The following PTK2 variants were observed in gnomAD, a reference collection of about 807,000 sequenced individuals.
PTK2 encodes the protein protein tyrosine kinase 2, also known as focal adhesion kinase 1.
Under a neutral mutation model 150.1 loss-of-function variants are expected in PTK2, and 45 were observed. The observed-to-expected ratio is 0.30, with a 90% CI of 0.24 to 0.38. The LOEUF is 0.38. PTK2 is among the 10% of genes least tolerant of loss of function. PTK2 has a pLI of 1.00. For missense variants in PTK2, 919 were observed against 1,307.3 expected, an observed-to-expected ratio of 0.70 and a Z score of 4.58; for synonymous variants, 432 against 449.2, an observed-to-expected ratio of 0.96 and a Z score of 0.48.
At chr8:140,675,525 A>G (rs1364779820) in intron 27 of PTK2, 26 bp from the exon 31 acceptor site, 1 of 1,550,128 alleles carries the variant, frequency 6.5e-7, no homozygotes, top group Non-Finnish European at 8.9e-7. Context: ...AGTTCAGTCA[A>G]TGCACTGGTA....
intron 16 of PTK2, among the ~76,000 whole-genome samples, chr8:140,759,579 T>A (rs2100068120): frequency 6.8e-6 from 1 of 147,604 alleles, no homozygotes; most frequent in Non-Finnish European, 1.5e-5. Flanking sequence ...AAAAGTTGGC[T>A]GGCTCAGTGG....
chr8:140,886,438 TC>T (rs1444839312), intron 3 of PTK2, among the ~76,000 whole-genome samples: 1 of 152,048 alleles, frequency 6.6e-6, no homozygotes, highest in Non-Finnish European at 1.5e-5. Context: ...ATGTAACCAA[TC>T]ACAGGATGGC....
intron 3 of PTK2, among the ~76,000 whole-genome samples, chr8:140,889,944 C>A (rs2100153664): frequency 6.6e-6 from 1 of 152,296 alleles, no homozygotes; most frequent in African/African-American, 2.4e-5. Context: ...GTACTAACTT[C>A]TACGTTTAAA....
intron 30 of PTK2, among the ~76,000 whole-genome samples, chr8:140,666,397 TCAA>T (rs2091752262): frequency 6.7e-6 from 1 of 148,780 alleles, no homozygotes. Flanking sequence ...ATTCTATAAC[TCAA>T]CAACAAAATA....
At chr8:140,976,305 G>C (rs1360990726) in intron 1 of PTK2, among the ~76,000 whole-genome samples, 2 of 152,138 alleles carry the variant, frequency 1.3e-5, no homozygotes, top group Non-Finnish European at 1.5e-5. Flanking sequence ...ACTAATGCCT[G>C]AGATTCAGGA....
intron 1 of PTK2, among the ~76,000 whole-genome samples, chr8:140,962,862 G>A (rs1003036975): frequency 6.6e-6 from 1 of 150,926 alleles, no homozygotes; most frequent in Non-Finnish European, 1.5e-5. Flanking sequence ...AAACTTCCTG[G>A]CCCTTGTAGG....
chr8:140,949,759 G>T (rs1040476781), intron 1 of PTK2, among the ~76,000 whole-genome samples: 6 of 152,164 alleles, frequency 3.9e-5, no homozygotes, highest in Non-Finnish European at 5.9e-5. Flanking sequence ...GTTGATGGTG[G>T]GAGAAGGCAG....
intron 1 of PTK2, among the ~76,000 whole-genome samples, chr8:140,927,990 A>ATG (rs2100170333): frequency 7.5e-6 from 1 of 134,042 alleles, no homozygotes; most frequent in Admixed American, 7.7e-5. Context: ...ATATATATAT[A>ATG]TATGTATATA....
chr8:140,935,523 C>T (rs973950461), intron 1 of PTK2, among the ~76,000 whole-genome samples: 8 of 152,046 alleles, frequency 5.3e-5, no homozygotes, highest in African/African-American at 1.2e-4. Flanking sequence ...TGAATATAAA[C>T]GGGGTTATCC....
At chr8:140,690,389 G>T (rs904239591) in intron 26 of PTK2, among the ~76,000 whole-genome samples, 1 of 152,138 alleles carries the variant, frequency 6.6e-6, no homozygotes, top group African/African-American at 2.4e-5. Context: ...AGTTTCTGGA[G>T]TAGCTGGGAC....
chr8:140,793,344 C>T lies in PTK2; in HGVS notation c.1124+10G>A, dbSNP rs1174213033. 10 of 1,604,486 alleles carry T rather than the reference C, an allele frequency of 6.2e-6. No individual in the cohort carries two copies. Among genetic ancestry groups the T allele is most frequent in the Admixed American group, 1.7e-5 (1 of 57,990 alleles). ...AAACAAAATAACAGTACAAAAAAAGCAGTACTTACTTTGGTATTGATGGCA... is the reference window on the plus strand; with the variant it reads ...AAACAAAATAACAGTACAAAAAAAGTAGTACTTACTTTGGTATTGATGGCA... On this transcript the variant is annotated intron_variant, in intron 13 of 31. Coordinates refer to ENST00000522684, the Ensembl canonical transcript of PTK2.
intron 1 of PTK2, among the ~76,000 whole-genome samples, chr8:140,942,559 G>A (rs1026754384): frequency 2.0e-5 from 3 of 152,054 alleles, no homozygotes; most frequent in Admixed American, 1.3e-4. Flanking sequence ...CAACTTTGGT[G>A]GTACCTAATC....
intron 5 of PTK2, among the ~76,000 whole-genome samples, chr8:140,856,966 T>C (rs1368221407): frequency 2.0e-5 from 3 of 152,206 alleles, no homozygotes; most frequent in Non-Finnish European, 1.5e-5. Flanking sequence ...AGAATCTAAG[T>C]GGTGGGTATG....
chr8:140,916,750 T>C (rs945699047), intron 2 of PTK2, among the ~76,000 whole-genome samples: 1 of 152,186 alleles, frequency 6.6e-6, no homozygotes, highest in South Asian at 2.1e-4. Flanking sequence ...TCCTACCATT[T>C]TTCTATTTGG....
intron 25 of PTK2, among the ~76,000 whole-genome samples, chr8:140,702,165 C>A (rs1382541885): frequency 2.7e-4 from 35 of 127,942 alleles, no homozygotes; most frequent in African/African-American, 6.9e-4. Flanking sequence ...TCATTAAAAT[C>A]AATAAATCTT....
intron 1 of PTK2, among the ~76,000 whole-genome samples, chr8:140,966,104 C>T (rs2100185172): frequency 6.6e-6 from 1 of 152,190 alleles, no homozygotes. Flanking sequence ...ATTATTCTGA[C>T]ACTCTTGGAA....
intron 1 of PTK2, among the ~76,000 whole-genome samples, chr8:140,936,187 ACC>A (rs1376637947): frequency 6.6e-6 from 1 of 152,146 alleles, no homozygotes; most frequent in African/African-American, 2.4e-5. Context: ...GTAGGTCAGA[ACC>A]TTCTAGTTTT....
At position 140,739,208 on chromosome 8, in the gene PTK2, AT is replaced by A. The variant is rs369969228; in HGVS notation, c.1736-102del. 9.1e-4 allele frequency: 645 copies of A among 709,114 alleles called. 6 individuals are homozygous for A. In the African/African-American group the frequency reaches 0.011, roughly 12 times the overall value. 43.9% of individuals were successfully genotyped at this position (709,114 alleles called of 1,614,324 possible). ...AGTATCAAAGGAAAAAGCTTTAACT[AT>A]TTGAACCCTTGAGGCTTCCATTTAT... is the stretch of plus-strand genomic sequence containing the variant. On this transcript the variant is annotated intron_variant, in intron 20 of 31. Coordinates refer to ENST00000522684, the Ensembl canonical transcript of PTK2.
At chr8:140,983,962 C>A (rs1588663783) in intron 1 of PTK2, 2 of 152,204 alleles carry the variant, frequency 1.3e-5, no homozygotes, top group African/African-American at 4.8e-5. Flanking sequence ...CAAGACCAGC[C>A]TGGCCAAGAC....
Sources: gnomAD v4.1 joint callset for allele counts (sites outside exome capture counted in the v4.1 genomes callset) on GRCh38, gnomAD v4.1.1 for gene constraint, MANE v1.5 for transcripts, NCBI Gene and HGNC (gene_info 2026-07-23, HGNC 2026-07-21) for gene names.